Variants in GPRC5B observed in about 807,000 individuals in gnomAD.
GPRC5B encodes G protein-coupled receptor class C group 5 member B, also known as G protein-coupled receptor family C group 5 member B.
In GPRC5B, 16 loss-of-function variants were observed where a neutral mutation model predicts 30.1. The observed-to-expected ratio is 0.53, with a 90% CI of 0.36 to 0.81. GPRC5B has a LOEUF of 0.81. GPRC5B is among the 30% of genes least tolerant of loss of function. GPRC5B has a pLI of 0.01. For missense variants in GPRC5B, 428 were observed against 544.7 expected, an observed-to-expected ratio of 0.79 and a Z score of 2.13; for synonymous variants, 241 against 239.5, an observed-to-expected ratio of 1.01 and a Z score of -0.06.
intron 3 of GPRC5B, 98 bp from the exon 4 acceptor site, chr16:19,860,642 C>T (rs2056613669): frequency 1.3e-6 from 1 of 755,196 alleles, no homozygotes; most frequent in Non-Finnish European, 2.3e-6. Flanking sequence ...AATAAGTTAC[C>T]TTGCTTTTAC....
chr16:19,884,910 C>T (rs2056839056), upstream of GPRC5B: 1 of 966,262 alleles, frequency 1.0e-6, no homozygotes, highest in Admixed American at 6.3e-5. Context: ...CTGCAGCGGC[C>T]GCGGCCCCGC....
chr16:19,876,749 C>T (rs1393239204), intron 1 of GPRC5B, among the ~76,000 whole-genome samples: 3 of 152,238 alleles, frequency 2.0e-5, no homozygotes, highest in African/African-American at 4.8e-5. Context: ...AATAGATACA[C>T]TCTTGCTTTC....
rs564698731 is a variant in GPRC5B, at chr16:19,864,142, C to T, written c.1031-2169G>A. ...AGGACCTCTCCTAAGACAAGAGGTC[C>T]CCTTAGGAATCAAAGCTCAAATGGC... On this transcript the variant is annotated intron_variant, in intron 2 of 3. Coordinates refer to ENST00000300571, the MANE Select transcript of GPRC5B (RefSeq NM_016235.3). Among the ~76,000 whole-genome samples, 18 of 152,300 alleles carry T rather than the reference C, an allele frequency of 1.2e-4. No individual in the cohort carries two copies. In the South Asian group the frequency reaches 3.5e-3, roughly 30 times the overall value.
intron 2 of GPRC5B, among the ~76,000 whole-genome samples, chr16:19,863,873 T>A (rs2056646644): frequency 6.6e-6 from 1 of 152,080 alleles, no homozygotes; most frequent in Non-Finnish European, 1.5e-5. Flanking sequence ...TGCACGCTTC[T>A]TATGAGAATC....
At chr16:19,874,388 C>T (rs1175341913) in intron 1 of GPRC5B, among the ~76,000 whole-genome samples, 1 of 152,192 alleles carries the variant, frequency 6.6e-6, no homozygotes, top group Non-Finnish European at 1.5e-5. Flanking sequence ...CAGTCCTCTC[C>T]ACCACAGCCT....
chr16:19,878,010 C>A (rs988936956), intron 1 of GPRC5B, among the ~76,000 whole-genome samples: 1 of 151,956 alleles, frequency 6.6e-6, no homozygotes, highest in Non-Finnish European at 1.5e-5. Context: ...ACCAGTCTAG[C>A]CAACATGGTG....
chr16:19,872,097 C>A lies in GPRC5B; in HGVS notation c.749G>T (p.Trp250Leu), dbSNP rs1483633189. ...AFLSVLIWVA[W>L]MTMYLFGNVK... is the part of the protein sequence containing the mutation. ...ATTGCCGAAGAGGTACATGGTCATC[C>A]AGGCCACCCAGATGAGCACAGAGAG... Residue 250 changes from tryptophan (W) to leucine (L), a missense_variant, in exon 2 of 4, where the codon TGG becomes TTG. Around this residue, in one of 3 missense-constraint regions of GPRC5B, gnomAD observed 213 missense variants for 229.1 expected, o/e 0.93. Coordinates refer to ENST00000300571, the MANE Select transcript of GPRC5B (RefSeq NM_016235.3). The surrounding 1 kb of genome is among the most constrained non-coding windows in gnomAD (Gnocchi z 5.0). The A allele has an allele frequency of 6.2e-7, 1 of 1,614,100 alleles. No individual in the cohort carries two copies. The highest frequency in any genetic ancestry group is 1.1e-5 in the South Asian group (1 of 91,062).
At chr16:19,866,725 A>T (rs2056670878) in intron 2 of GPRC5B, among the ~76,000 whole-genome samples, 1 of 152,116 alleles carries the variant, frequency 6.6e-6, no homozygotes, top group African/African-American at 2.4e-5. Context: ...CTGATTCTAT[A>T]TGATTATTGT....
chr16:19,868,500 C>T (rs1295713212), intron 2 of GPRC5B, among the ~76,000 whole-genome samples: 9 of 152,168 alleles, frequency 5.9e-5, no homozygotes, highest in Admixed American at 3.9e-4. Flanking sequence ...CAACCAGGAA[C>T]CCAGGAACTG....
intron 1 of GPRC5B, among the ~76,000 whole-genome samples, chr16:19,882,545 T>A (rs2056815602): frequency 6.6e-6 from 1 of 152,162 alleles, no homozygotes; most frequent in South Asian, 2.1e-4. Flanking sequence ...TGGCTTGCAG[T>A]GGCTGGCTAG....
At chr16:19,860,601 C>G (rs1348229511) in intron 3 of GPRC5B, 57 bp from the exon 4 acceptor site, 5 of 1,142,196 alleles carry the variant, frequency 4.4e-6, no homozygotes, top group Non-Finnish European at 6.6e-6. Flanking sequence ...AAAGTCAACA[C>G]TAGAAACCGA....
Position 19,861,821 on chromosome 16 carries a change from A to C in GPRC5B, c.1167+16T>G, listed in dbSNP as rs533784987. On this transcript the variant is annotated intron_variant, in intron 3 of 3. Transcript: ENST00000300571. ...CTCCTAGGCTTCCTACCCCCACATC[A>C]CATCTTGATACTTACGGTCCCACCG... is the stretch of plus-strand genomic sequence containing the variant. The C allele has an allele frequency of 6.2e-7, 1 of 1,610,130 alleles. No homozygotes were observed. Among genetic ancestry groups the C allele is most frequent in the Admixed American group, 1.7e-5 (1 of 59,946 alleles).
upstream of GPRC5B, chr16:19,885,358 G>C: frequency 8.3e-7 from 1 of 1,198,064 alleles, no homozygotes; most frequent in Non-Finnish European, 1.1e-6. The surrounding 1 kb of genome is among the most constrained non-coding windows in gnomAD (Gnocchi z 5.3). Context: ...GCCTCTCGAA[G>C]TCACCAACGC....
At chr16:19,879,340 C>T (rs2056784979) in intron 1 of GPRC5B, among the ~76,000 whole-genome samples, 1 of 152,132 alleles carries the variant, frequency 6.6e-6, no homozygotes, top group Admixed American at 6.5e-5. Context: ...ATACTAATTA[C>T]CTTTGCTGCC....
intron 1 of GPRC5B, among the ~76,000 whole-genome samples, chr16:19,877,896 C>T (rs2056771045): frequency 6.6e-6 from 1 of 152,132 alleles, no homozygotes; most frequent in Non-Finnish European, 1.5e-5. Context: ...ACTGGCAAGT[C>T]AATCAAAGTA....
Position 19,861,087 on chromosome 16 carries a change from T to TAAAAAAAAAAAAAAAAAAAAAAAAAAAA in GPRC5B, c.1168-544_1168-543insTTTTTTTTTTTTTTTTTTTTTTTTTTTT, listed in dbSNP as rs3067833. ...GATCAAAGACCATCCCTGATTTACA[T>TAAAAAAAAAAAAAAAAAAAAAAAAAAAA]AAAAAAAAAAAAAAAAAGAAGAATG... On this transcript the variant is annotated intron_variant, in intron 3 of 3. Coordinates refer to ENST00000300571, the MANE Select transcript of GPRC5B (RefSeq NM_016235.3). Among the ~76,000 whole-genome samples the TAAAAAAAAAAAAAAAAAAAAAAAAAAAA allele has an allele frequency of 1.6e-4, 15 of 93,380 alleles. 1 individual carries two copies. Among genetic ancestry groups the TAAAAAAAAAAAAAAAAAAAAAAAAAAAA allele is most frequent in the African/African-American group, 7.3e-4 (15 of 20,490 alleles). 61.3% of individuals were successfully genotyped at this position (93,380 alleles called of 152,430 possible).
intron 1 of GPRC5B, among the ~76,000 whole-genome samples, chr16:19,879,947 C>A (rs977487143): frequency 1.3e-5 from 2 of 151,848 alleles, no homozygotes; most frequent in South Asian, 2.1e-4. Context: ...CCAGCCTGGG[C>A]AACATAGTGA....
chr16:19,881,276 C>T (rs116817435), intron 1 of GPRC5B, among the ~76,000 whole-genome samples: 3,616 of 152,188 alleles, frequency 0.024, 125 homozygotes, highest in African/African-American at 0.083. Context: ...GTGAGAAGTA[C>T]GTGAAAAATA....
At chr16:19,882,997 C>T (rs1364865127) in intron 1 of GPRC5B, among the ~76,000 whole-genome samples, 1 of 152,190 alleles carries the variant, frequency 6.6e-6, no homozygotes, top group Non-Finnish European at 1.5e-5. Context: ...GAACAGTCAT[C>T]TCAGGTACAT....
Sources: gnomAD v4.1 joint callset for allele counts (sites outside exome capture counted in the v4.1 genomes callset) on GRCh38, gnomAD v4.1.1 for gene constraint, gnomAD v4.1.1 regional missense constraint, Gnocchi (gnomAD v3.1) non-coding constraint, MANE v1.5 for transcripts, NCBI Gene and HGNC (gene_info 2026-07-23, HGNC 2026-07-21) for gene names.